Variants in ADGB observed in about 807,000 individuals in gnomAD.
ADGB encodes androglobin.
A neutral mutation model predicts 210.5 loss-of-function variants in ADGB; 172 were observed. That is an observed-to-expected ratio of 0.82 (90% CI 0.72 to 0.93). The LOEUF (loss-of-function observed/expected upper bound fraction) is 0.93, where lower values mean the gene tolerates loss of function less well. Among genes scored for constraint, ADGB ranks in the 40% least tolerant of loss-of-function variants. The probability of loss-of-function intolerance (pLI) is 0.00; values close to 1 mark genes in which losing one functional copy is unlikely to be tolerated. For synonymous variants in ADGB, 658 were observed against 662.7 expected (o/e 0.99, Z 0.11); for missense variants, 2,025 against 1,964.8 (o/e 1.03, Z -0.58).
chr6:146,807,686 A>T (rs1431788704), intron 35 of ADGB: 2 of 950,430 alleles, frequency 2.1e-6, no homozygotes, highest in African/African-American at 3.4e-5. Context: ...AACTGAAAAT[A>T]GAAATTGTTC....
At chr6:146,807,242 T>C (rs1434637315) in intron 35 of ADGB, among the ~76,000 whole-genome samples, 1 of 152,248 alleles carries the variant, frequency 6.6e-6, no homozygotes, top group Non-Finnish European at 1.5e-5. Flanking sequence ...GTTTTGTGTA[T>C]TGATAAGCTT....
chr6:146,599,426 A>T (rs1247685840), intron 1 of ADGB, among the ~76,000 whole-genome samples: 4 of 152,126 alleles, frequency 2.6e-5, no homozygotes, highest in Non-Finnish European at 5.9e-5. Context: ...TAGCTTTCCT[A>T]AGAAAGAGGC....
chr6:146,676,485 C>A, intron 9 of ADGB, 44 bp downstream of exon 9: 2 of 1,266,648 alleles, frequency 1.6e-6, no homozygotes, highest in Non-Finnish European at 2.0e-6. Flanking sequence ...TTAGTTGTTT[C>A]TTAAAATGCT....
rs146711279 is a variant in ADGB at position 146,713,226 on chromosome 6, T to C, written c.1708-2156T>C. 3.6e-3 allele frequency among the ~76,000 whole-genome samples: 541 copies of C among 152,312 alleles called. 6 individuals are homozygous for C. Among genetic ancestry groups the C allele is most frequent in the South Asian group, 0.023 (113 of 4,834 alleles). ...AATAACGCTGCTATGAATTTGGGTG[T>C]ACACCTATCTCCTTGAGACTCTGCT... On this transcript the variant is annotated intron_variant, in intron 13 of 35. Coordinates refer to ENST00000397944, the MANE Select transcript of ADGB (RefSeq NM_024694.4).
intron 1 of ADGB, among the ~76,000 whole-genome samples, chr6:146,634,802 T>A (rs573452770): frequency 1.1e-3 from 165 of 152,018 alleles, no homozygotes; most frequent in African/African-American, 3.9e-3. Context: ...AATTAAAAAA[T>A]TTTAAAAATC....
Position 146,685,728 on chromosome 6 carries a change from T to G in ADGB, c.1217-6T>G. 6.7e-7 allele frequency: 1 copy of G among 1,484,478 alleles called. No homozygotes were observed. The highest frequency in any genetic ancestry group is 9.0e-7 in the Non-Finnish European group (1 of 1,114,066). The allele number at this position is 1,484,478 out of a possible 1,614,324, so 92.0% of individuals were successfully genotyped here. On this transcript the variant is annotated splice_region_variant and splice_polypyrimidine_tract_variant and intron_variant, in intron 9 of 35. Transcript: ENST00000397944. ...TTTCACAACATAATGTATGTTTGTT[T>G]TACAGGTTCTTCTGCAATACAGACC...
At chr6:146,687,276 G>T (rs1312814410) in intron 10 of ADGB, among the ~76,000 whole-genome samples, 2 of 152,074 alleles carry the variant, frequency 1.3e-5, no homozygotes, top group African/African-American at 4.8e-5. Context: ...TAAGATTAGG[G>T]CTGGCCTTCT....
At chr6:146,780,057 A>G (rs1399928907) in intron 29 of ADGB, among the ~76,000 whole-genome samples, 2 of 152,014 alleles carry the variant, frequency 1.3e-5, no homozygotes, top group Non-Finnish European at 2.9e-5. Context: ...TTATACATAT[A>G]CATATGTATA....
intron 2 of ADGB, among the ~76,000 whole-genome samples, chr6:146,641,501 A>G (rs929880774): frequency 2.0e-5 from 3 of 151,916 alleles, no homozygotes; most frequent in African/African-American, 4.8e-5. Context: ...TTCAAACTGT[A>G]CTATTGTACA....
chr6:146,670,453 C>T (rs1287803312), intron 7 of ADGB, among the ~76,000 whole-genome samples: 1 of 152,116 alleles, frequency 6.6e-6, no homozygotes, highest in East Asian at 1.9e-4. Flanking sequence ...ATGGGCTACT[C>T]TTATTTTTTT....
chr6:146,773,255 G>A (rs1015052941), intron 29 of ADGB, among the ~76,000 whole-genome samples: 11 of 148,298 alleles, frequency 7.4e-5, no homozygotes, highest in Non-Finnish European at 1.6e-4. Context: ...ACATAAATGC[G>A]TAGAAGAAGA....
intron 1 of ADGB, among the ~76,000 whole-genome samples, chr6:146,604,486 C>T (rs1433827945): frequency 6.6e-6 from 1 of 151,970 alleles, no homozygotes; most frequent in Admixed American, 6.5e-5. Flanking sequence ...CTTTTGGTCT[C>T]CCTGGGAGTG....
intron 1 of ADGB, among the ~76,000 whole-genome samples, chr6:146,632,132 C>T (rs1415538620): frequency 1.3e-5 from 2 of 152,050 alleles, no homozygotes; most frequent in African/African-American, 4.8e-5. Context: ...TTGGAATTCT[C>T]GAGGTCACAA....
chr6:146,718,969 C>T (rs1776775970), intron 16 of ADGB, among the ~76,000 whole-genome samples: 1 of 152,074 alleles, frequency 6.6e-6, no homozygotes, highest in African/African-American at 2.4e-5. Context: ...ATAGTTTAAC[C>T]CAGAGTATGA....
intron 33 of ADGB, among the ~76,000 whole-genome samples, chr6:146,798,246 G>C (rs1019870138): frequency 6.6e-6 from 1 of 152,102 alleles, no homozygotes; most frequent in African/African-American, 2.4e-5. Flanking sequence ...AATTATGTAG[G>C]TAAATTTTAG....
rs559953938 is a variant in ADGB, at chr6:146,691,374, G to A, written c.1486+84G>A. On this transcript the variant is annotated intron_variant, in intron 11 of 35. Transcript: ENST00000397944. ...ATCTGCGGTGAAAGATGTATGTCAA[G>A]GTAAATCACCCAACATTGCTTCTAA... is the stretch of plus-strand genomic sequence containing the variant. 1.1e-5 allele frequency: 11 copies of A among 1,035,584 alleles called. No individual in the cohort carries two copies. The East Asian group carries it at 3.5e-4, about 33-fold the overall frequency. 64.1% of individuals were successfully genotyped at this position (1,035,584 alleles called of 1,614,324 possible). A position where few individuals can be genotyped will look rare whatever the true frequency, so the allele number is the denominator to read the frequency against.
intron 13 of ADGB, among the ~76,000 whole-genome samples, chr6:146,710,863 A>AT (rs367689642): frequency 8.1e-4 from 123 of 152,280 alleles, no homozygotes; most frequent in African/African-American, 2.9e-3. Flanking sequence ...ACATATCTCC[A>AT]TAATTCTAAA....
intron 10 of ADGB, among the ~76,000 whole-genome samples, chr6:146,690,306 A>G (rs757455934): frequency 2.0e-5 from 3 of 152,214 alleles, no homozygotes; most frequent in Non-Finnish European, 2.9e-5. Context: ...TCATTGAGAC[A>G]ACATAATTAG....
intron 5 of ADGB, among the ~76,000 whole-genome samples, chr6:146,657,320 CAAAA>C (rs59612556): frequency 7.0e-6 from 1 of 142,282 alleles, no homozygotes. Context: ...AGCAAAACTC[CAAAA>C]AAAAAAAAAG....
Sources: gnomAD v4.1 joint callset for allele counts (sites outside exome capture counted in the v4.1 genomes callset) on GRCh38, gnomAD v4.1.1 for gene constraint, MANE v1.5 for transcripts, NCBI Gene and HGNC (gene_info 2026-07-23, HGNC 2026-07-21) for gene names.